Variants in GALNT18 observed in about 807,000 individuals in gnomAD.
The protein encoded by GALNT18 is polypeptide N-acetylgalactosaminyltransferase 18.
GALNT18 carries 44 observed loss-of-function variants against 69.5 expected under a neutral mutation model. The ratio of observed to expected loss-of-function variants is 0.63; its 90% CI spans 0.50 to 0.81. The LOEUF is 0.81. GALNT18 is among the 40% of genes least tolerant of loss of function. The probability of loss-of-function intolerance (pLI) is 0.00; values close to 1 mark genes in which losing one functional copy is unlikely to be tolerated. For synonymous variants in GALNT18, 364 were observed against 318.2 expected (o/e 1.14, Z -1.53); for missense variants, 715 against 810.0 (o/e 0.88, Z 1.42).
chr11:11,580,322 C>T (rs2133906629), intron 1 of GALNT18, among the ~76,000 whole-genome samples: 1 of 152,280 alleles, frequency 6.6e-6, no homozygotes, highest in African/African-American at 2.4e-5. Flanking sequence ...CCTTCTCCCT[C>T]CCGCCACCCC....
rs568322534 is a variant in GALNT18 at position 11,415,144 on chromosome 11, G to A, written c.595+17477C>T. 2.6e-5 allele frequency among the ~76,000 whole-genome samples: 4 copies of A among 152,312 alleles called. No homozygotes were observed. Among genetic ancestry groups the A allele is most frequent in the African/African-American group, 7.2e-5 (3 of 41,570 alleles). On this transcript the variant is annotated intron_variant, in intron 3 of 10. Coordinates refer to ENST00000227756, the MANE Select transcript of GALNT18 (RefSeq NM_198516.3). The surrounding 1 kb of genome is among the most constrained non-coding windows in gnomAD (Gnocchi z 4.1). ...TCTCAGGCCACCAGAGTACATCTCT[G>A]TGACTTCCCCTTCTGCCATCAGCTA... is the stretch of plus-strand genomic sequence containing the variant.
rs1388027989 is a variant in GALNT18 at position 11,563,886 on chromosome 11, C to A, written c.235+57473G>T. On this transcript the variant is annotated intron_variant, in intron 1 of 10. Coordinates refer to ENST00000227756, the MANE Select transcript of GALNT18 (RefSeq NM_198516.3). The surrounding 1 kb of genome is among the most constrained non-coding windows in gnomAD (Gnocchi z 4.6). Reference sequence around the variant, plus strand: ...TGGGAGCAAATTTTTGCAAAGCTCCCCAAAGCATTTTGAGTTCTGAAAGCA... The same window carrying A: ...TGGGAGCAAATTTTTGCAAAGCTCCACAAAGCATTTTGAGTTCTGAAAGCA... 6.6e-6 allele frequency among the ~76,000 whole-genome samples: 1 copy of A among 152,068 alleles called. No homozygotes were observed. The highest frequency in any genetic ancestry group is 2.4e-5 in the African/African-American group (1 of 41,396).
Position 11,382,319 on chromosome 11 carries a change from G to C in GALNT18, c.596-3055C>G, listed in dbSNP as rs1379578600. Among the ~76,000 whole-genome samples the C allele has an allele frequency of 6.6e-6, 1 of 152,182 alleles. No individual in the cohort carries two copies. Among genetic ancestry groups the C allele is most frequent in the Non-Finnish European group, 1.5e-5 (1 of 68,032 alleles). ...TTGCAAAGTACCTTTACTTAATTAG[G>C]TTTTCATGTTTTCTTTCAATCTTTG... is the stretch of plus-strand genomic sequence containing the variant. On this transcript the variant is annotated intron_variant, in intron 3 of 10. Coordinates refer to ENST00000227756, the MANE Select transcript of GALNT18 (RefSeq NM_198516.3). The surrounding 1 kb of genome is among the most constrained non-coding windows in gnomAD (Gnocchi z 4.3).
In GALNT18 at chr11:11,614,478, A is replaced by G. The variant is rs531919970; in HGVS notation, c.235+6881T>C. On this transcript the variant is annotated intron_variant, in intron 1 of 10. Transcript: ENST00000227756. This position sits in a 1 kb window ranked among gnomAD's most constrained non-coding sequence, Gnocchi z 5.6. ...AGAACTCATTCATTACCAGGAAGAC[A>G]GCACCAAGCCATTCATACAAACACC... 6.6e-6 allele frequency among the ~76,000 whole-genome samples: 1 copy of G among 152,184 alleles called. No homozygotes were observed. Among genetic ancestry groups the G allele is most frequent in the African/African-American group, 2.4e-5 (1 of 41,440 alleles).
intron 6 of GALNT18, among the ~76,000 whole-genome samples, chr11:11,368,578 T>A (rs1850824609): frequency 6.6e-6 from 1 of 152,198 alleles, no homozygotes; most frequent in Non-Finnish European, 1.5e-5. Flanking sequence ...TCTTTAGATC[T>A]ATTTTCCAGT....
rs571162453 is a variant in GALNT18, at chr11:11,289,847, C to T, written c.1677+3182G>A. 8.9e-4 allele frequency among the ~76,000 whole-genome samples: 135 copies of T among 152,296 alleles called. 1 individual carries two copies. The highest frequency in any genetic ancestry group is 3.2e-3 in the African/African-American group (133 of 41,560). ...GCCATGTGATCTTGGAGGGTGACTT[C>T]ATCTCAATGTCTCATATTGGAGGTG... On this transcript the variant is annotated intron_variant, in intron 10 of 10. Transcript: ENST00000227756.
Position 11,270,889 on chromosome 11 carries a change from T to A in GALNT18, c.*255A>T. The A allele has an allele frequency of 2.8e-6, 1 of 359,108 alleles. No individual in the cohort carries two copies. Among genetic ancestry groups the A allele is most frequent in the Non-Finnish European group, 5.0e-6 (1 of 198,156 alleles). The allele number at this position is 359,108 out of a possible 1,614,324, so 22.2% of individuals were successfully genotyped here. A position where few individuals can be genotyped will look rare whatever the true frequency, so the allele number is the denominator to read the frequency against. ...GACTGCAAAACCCTTTTCTTAATAA[T>A]ATTTTATTGTCAGTTATAAATATTT... On this transcript the variant is annotated 3_prime_UTR_variant, in exon 11 of 11. Transcript: ENST00000227756.
At chr11:11,350,367 T>G (rs1850377573) in intron 6 of GALNT18, among the ~76,000 whole-genome samples, 1 of 152,190 alleles carries the variant, frequency 6.6e-6, no homozygotes, top group South Asian at 2.1e-4. Context: ...GTGTGGTCAT[T>G]GAGACTAGAA....
At chr11:11,577,059 A>G (rs376666989) in intron 1 of GALNT18, among the ~76,000 whole-genome samples, 4,028 of 152,264 alleles carry the variant, frequency 0.026, 169 homozygotes, top group African/African-American at 0.093. Context: ...ACGTATCTGC[A>G]GCGCTGGCTG....
rs1856003883 is a variant in GALNT18, at chr11:11,459,886, T to C, written c.236-10950A>G. Among the ~76,000 whole-genome samples the C allele has an allele frequency of 6.6e-6, 1 of 152,166 alleles. No individual in the cohort carries two copies. Among genetic ancestry groups the C allele is most frequent in the Non-Finnish European group, 1.5e-5 (1 of 68,036 alleles). ...TCTCACCGGGCTAAAATCAAGGTGTTGGTAGGGCCATTCTCCTTTCTGGAA... is the reference window on the plus strand; with the variant it reads ...TCTCACCGGGCTAAAATCAAGGTGTCGGTAGGGCCATTCTCCTTTCTGGAA... On this transcript the variant is annotated intron_variant, in intron 1 of 10. Coordinates refer to ENST00000227756, the MANE Select transcript of GALNT18 (RefSeq NM_198516.3). This position sits in a 1 kb window ranked among gnomAD's most constrained non-coding sequence, Gnocchi z 5.0.
Position 11,377,204 on chromosome 11 carries a change from C to T in GALNT18, c.955G>A (p.Glu319Lys), listed in dbSNP as rs1475318208. ...LNPPKAWWKL[E>K]NSTAPIRSPA... ...TACCTGATTGGCGCTGTGGAGTTCT[C>T]CAGCTTCCACCAGGCCTTGGGGGGA... Residue 319 changes from glutamate to lysine, a missense_variant, in exon 5 of 11, where the codon GAG becomes AAG. Physicochemically the swap from Glu to Lys is moderately conservative, Grantham distance 56. Transcript: ENST00000227756. The surrounding 1 kb of genome is among the most constrained non-coding windows in gnomAD (Gnocchi z 4.6). 1 of 1,613,264 alleles carries T rather than the reference C, an allele frequency of 6.2e-7. No homozygotes were observed. The highest frequency in any genetic ancestry group is 8.5e-7 in the Non-Finnish European group (1 of 1,180,022).
chr11:11,473,744 G>A (rs1179233920), intron 1 of GALNT18, among the ~76,000 whole-genome samples: 1 of 152,142 alleles, frequency 6.6e-6, no homozygotes, highest in Non-Finnish European at 1.5e-5. Context: ...TGCATGTCAG[G>A]CACCTGGCAG....
chr11:11,557,026 C>G (rs1321037025), intron 1 of GALNT18, among the ~76,000 whole-genome samples: 1 of 152,114 alleles, frequency 6.6e-6, no homozygotes, highest in Admixed American at 6.5e-5. Context: ...GCTCCCATGC[C>G]AGGCCTTGGG....
rs979155396 is a variant in GALNT18, at chr11:11,618,393, A to G, written c.235+2966T>C. Among the ~76,000 whole-genome samples the G allele has an allele frequency of 6.6e-6, 1 of 152,240 alleles. No individual in the cohort carries two copies. Among genetic ancestry groups the G allele is most frequent in the African/African-American group, 2.4e-5 (1 of 41,452 alleles). On this transcript the variant is annotated intron_variant, in intron 1 of 10. Coordinates refer to ENST00000227756, the MANE Select transcript of GALNT18 (RefSeq NM_198516.3). The surrounding 1 kb of genome is among the most constrained non-coding windows in gnomAD (Gnocchi z 6.1). ...CAGAATGTGCCAGGGACTGTCCTGC[A>G]TGTTCAGTAAACATTAGTTAAAGGA...
intron 3 of GALNT18, among the ~76,000 whole-genome samples, chr11:11,407,119 C>A (rs1359034957): frequency 1.3e-5 from 2 of 152,176 alleles, no homozygotes; most frequent in South Asian, 4.1e-4. Context: ...ATTGCCAAGC[C>A]CAGGACTTGG....
rs545552944 is a variant in GALNT18, at chr11:11,606,517, C to T, written c.235+14842G>A. Among the ~76,000 whole-genome samples the T allele has an allele frequency of 1.2e-4, 18 of 152,194 alleles. 1 individual carries two copies. In the South Asian group the frequency reaches 3.3e-3, roughly 28 times the overall value. On this transcript the variant is annotated intron_variant, in intron 1 of 10. Transcript: ENST00000227756. The surrounding 1 kb of genome is among the most constrained non-coding windows in gnomAD (Gnocchi z 5.4). ...ATAAAATATCTGCCCCTCCTCTATCCGAATCATCACTCTGGTTTGAGGGGC... is the reference window on the plus strand; with the variant it reads ...ATAAAATATCTGCCCCTCCTCTATCTGAATCATCACTCTGGTTTGAGGGGC...
chr11:11,317,587 G>T lies in GALNT18; in HGVS notation c.1512+9499C>A, dbSNP rs74616446. The stretch of plus-strand genomic sequence containing the variant: ...TTTGCCCATTCTTAATGGGTTATTT[G>T]TTTTTGCTTGTTGAGTTGTTTAAGT... On this transcript the variant is annotated intron_variant, in intron 9 of 10. Transcript: ENST00000227756. 6.4e-3 allele frequency among the ~76,000 whole-genome samples: 981 copies of T among 152,180 alleles called. 11 individuals carry two copies. Among genetic ancestry groups the T allele is most frequent in the African/African-American group, 0.022 (919 of 41,510 alleles).
chr11:11,534,022 G>T (rs114423391), intron 1 of GALNT18, among the ~76,000 whole-genome samples: 2 of 152,172 alleles, frequency 1.3e-5, no homozygotes, highest in Non-Finnish European at 2.9e-5. Flanking sequence ...ATCATCTCAC[G>T]CAGCCTCATC....
At chr11:11,466,135 TTC>T (rs146888770) in intron 1 of GALNT18, among the ~76,000 whole-genome samples, 7,601 of 152,312 alleles carry the variant, frequency 0.05, 294 homozygotes, top group East Asian at 0.15. Flanking sequence ...CTCTGACACA[TTC>T]TGTTTTATTC....
Sources: allele counts gnomAD v4.1 joint callset (sites outside exome capture counted in the v4.1 genomes callset), GRCh38; gene constraint gnomAD v4.1.1; non-coding constraint Gnocchi (gnomAD v3.1); transcripts MANE v1.5; gene names NCBI Gene and HGNC (gene_info 2026-07-23, HGNC 2026-07-21).